KHDRBS2: variants seen among roughly 807,000 people sequenced by gnomAD.
KHDRBS2 encodes the protein KH RNA binding domain containing, signal transduction associated 2.
In KHDRBS2, 26 loss-of-function variants were observed where a neutral mutation model predicts 44.3. That is an observed-to-expected ratio of 0.59 (90% CI 0.43 to 0.81). KHDRBS2 has a LOEUF of 0.81. Ranked by LOEUF, KHDRBS2 falls within the 40% of genes least tolerant of loss-of-function variation. KHDRBS2 has a pLI of 0.00. For missense variants in KHDRBS2, 476 were observed against 433.1 expected (o/e 1.10, Z -0.88); for synonymous variants, 194 against 151.1 (o/e 1.28, Z -2.08).
chr6:61,603,913 C>T, the KHDRBS2 span, among the ~76,000 whole-genome samples: 1 of 152,128 alleles, frequency 6.6e-6, no homozygotes, highest in Non-Finnish European at 1.5e-5. Context: ...GTTTCTCACC[C>T]TGATCACATT....
intron 1 of KHDRBS2, among the ~76,000 whole-genome samples, chr6:62,190,975 C>A (rs552308139): frequency 6.6e-6 from 1 of 152,228 alleles, no homozygotes; most frequent in South Asian, 2.1e-4. Flanking sequence ...ACCCCTTCAA[C>A]CAGTTTCCCT....
chr6:61,956,666 C>A (rs1583777905), intron 4 of KHDRBS2, among the ~76,000 whole-genome samples: 1 of 152,174 alleles, frequency 6.6e-6, no homozygotes, highest in East Asian at 1.9e-4. Flanking sequence ...CAGGTAAATT[C>A]TCCATTCTCT....
At position 62,240,672 on chromosome 6, in the gene KHDRBS2, G is replaced by GTGTATA. The variant is rs1252806819; in HGVS notation, c.91+45185_91+45186insTATACA. Reference sequence around the variant, plus strand: ...TGTATGTGTGTATGTATGTGTGTGTGTATATATATATATATATATATATAT... The same window carrying GTGTATA: ...TGTATGTGTGTATGTATGTGTGTGTGTGTATATATATATATATATATATATATATAT... On this transcript the variant is annotated intron_variant, in intron 1 of 8. Transcript: ENST00000281156. 5.1e-3 allele frequency among the ~76,000 whole-genome samples: 325 copies of GTGTATA among 64,112 alleles called. 2 individuals carry two copies. Among genetic ancestry groups the GTGTATA allele is most frequent in the Non-Finnish European group, 7.0e-3 (228 of 32,484 alleles). 42.1% of individuals were successfully genotyped at this position (64,112 alleles called of 152,430 possible).
At chr6:61,571,993 A>G in the KHDRBS2 span, among the ~76,000 whole-genome samples, 2 of 152,136 alleles carry the variant, frequency 1.3e-5, no homozygotes, top group East Asian at 3.8e-4. Flanking sequence ...ATGACATTGA[A>G]ACAACAAAAA....
intron 5 of KHDRBS2, among the ~76,000 whole-genome samples, chr6:61,898,502 T>C (rs534772217): frequency 6.6e-6 from 1 of 152,112 alleles, no homozygotes; most frequent in East Asian, 1.9e-4. Context: ...TCATTCATTA[T>C]GAGATACACA....
chr6:62,277,841 A>T (rs892824871), intron 1 of KHDRBS2, among the ~76,000 whole-genome samples: 1 of 152,194 alleles, frequency 6.6e-6, no homozygotes, highest in African/African-American at 2.4e-5. Context: ...CAAATGGAGG[A>T]TGTGCTAAAA....
chr6:62,154,902 G>C (rs1446938890), intron 2 of KHDRBS2, among the ~76,000 whole-genome samples: 2 of 152,192 alleles, frequency 1.3e-5, no homozygotes, highest in South Asian at 4.1e-4. Context: ...GACCATGCAA[G>C]TCATACAAAA....
chr6:61,566,175 G>T, the KHDRBS2 span, among the ~76,000 whole-genome samples: 2 of 152,078 alleles, frequency 1.3e-5, no homozygotes, highest in Non-Finnish European at 2.9e-5. Context: ...TAACATGTGG[G>T]AGCTAAAAAA....
At chr6:61,669,620 G>A in the KHDRBS2 span, among the ~76,000 whole-genome samples, 6 of 150,734 alleles carry the variant, frequency 4.0e-5, no homozygotes, top group Admixed American at 4.0e-4. Flanking sequence ...AAGTAAAAAT[G>A]TTAGCCCAAG....
At chr6:62,262,874 T>C (rs1220228568) in intron 1 of KHDRBS2, among the ~76,000 whole-genome samples, 3 of 151,682 alleles carry the variant, frequency 2.0e-5, no homozygotes, top group African/African-American at 4.8e-5. Flanking sequence ...AGAAAATATA[T>C]AGTAAAATTT....
At chr6:61,828,527 A>G (rs1399820284) in intron 6 of KHDRBS2, among the ~76,000 whole-genome samples, 1 of 152,178 alleles carries the variant, frequency 6.6e-6, no homozygotes, top group Admixed American at 6.5e-5. Flanking sequence ...ACTTGATAAA[A>G]CATCAAGAGT....
intron 6 of KHDRBS2, among the ~76,000 whole-genome samples, chr6:61,869,560 A>G (rs1156845392): frequency 6.6e-6 from 1 of 152,172 alleles, no homozygotes; most frequent in Non-Finnish European, 1.5e-5. Context: ...AAAATAGAGA[A>G]CAGATTGCTG....
At chr6:62,240,877 C>T (rs1468254354) in intron 1 of KHDRBS2, among the ~76,000 whole-genome samples, 1 of 151,358 alleles carries the variant, frequency 6.6e-6, no homozygotes, top group African/African-American at 2.4e-5. Flanking sequence ...GGTCGTCTCA[C>T]AACTGTTGAC....
At chr6:61,906,629 A>T (rs1385040918) in intron 4 of KHDRBS2, among the ~76,000 whole-genome samples, 1 of 152,174 alleles carries the variant, frequency 6.6e-6, no homozygotes, top group Non-Finnish European at 1.5e-5. Flanking sequence ...TTTAGCTCTC[A>T]CATATGAGTG....
At chr6:61,573,803 A>T in the KHDRBS2 span, among the ~76,000 whole-genome samples, 32 of 150,962 alleles carry the variant, frequency 2.1e-4, no homozygotes, top group Non-Finnish European at 1.6e-4. Flanking sequence ...AAAAAAAAAA[A>T]AAAGTAAAAG....
chr6:61,871,825 A>G (rs1301009173), intron 6 of KHDRBS2, among the ~76,000 whole-genome samples: 3 of 152,174 alleles, frequency 2.0e-5, no homozygotes, highest in Non-Finnish European at 4.4e-5. Context: ...TGTCACCACC[A>G]GGCCTGCCTT....
chr6:62,195,668 T>C (rs1231181730), intron 1 of KHDRBS2, among the ~76,000 whole-genome samples: 1 of 152,136 alleles, frequency 6.6e-6, no homozygotes, highest in East Asian at 1.9e-4. Flanking sequence ...GGCCATTGGG[T>C]ACTTGATAAA....
At chr6:61,760,671 A>G (rs1779146721) in intron 6 of KHDRBS2, among the ~76,000 whole-genome samples, 2 of 152,146 alleles carry the variant, frequency 1.3e-5, no homozygotes, top group Non-Finnish European at 2.9e-5. Flanking sequence ...AAGAAAAGCC[A>G]TTAGCAATGG....
chr6:61,650,410 T>TC, the KHDRBS2 span, among the ~76,000 whole-genome samples: 1 of 7,076 alleles, frequency 1.4e-4, no homozygotes, highest in African/African-American at 3.0e-4. Context: ...TAAAAAAATG[T>TC]TTTTTTTTTT....
Sources: allele counts gnomAD v4.1 joint callset (sites outside exome capture counted in the v4.1 genomes callset), GRCh38; gene constraint gnomAD v4.1.1; transcripts MANE v1.5; gene names NCBI Gene and HGNC (gene_info 2026-07-23, HGNC 2026-07-21).